The following CACNA1C variants were observed in gnomAD, a reference collection of about 807,000 sequenced individuals.
CACNA1C encodes voltage-dependent L-type calcium channel subunit alpha-1C.
A neutral mutation model predicts 229.0 loss-of-function variants in CACNA1C; 30 were observed. That is an observed-to-expected ratio of 0.13 (90% CI 0.10 to 0.18). The LOEUF (loss-of-function observed/expected upper bound fraction) is 0.18. Ranked by LOEUF, CACNA1C falls within the 10% of genes least tolerant of loss-of-function variation. The pLI is 1.00. For synonymous variants in CACNA1C, 1,114 were observed against 1,132.5 expected (o/e 0.98, Z 0.33); for missense variants, 1,658 against 2,845.0 (o/e 0.58, Z 9.49).
chr12:2,194,272 CCTCCTG>C (rs1190028888), intron 3 of CACNA1C, among the ~76,000 whole-genome samples: 2 of 147,752 alleles, frequency 1.4e-5, no homozygotes, highest in Non-Finnish European at 3.0e-5. Context: ...TCCTCCTCCT[CCTCCTG>C]CTCCTATCCC....
At chr12:2,465,903 C>T (rs191386641) in intron 5 of CACNA1C, among the ~76,000 whole-genome samples, 2 of 152,220 alleles carry the variant, frequency 1.3e-5, no homozygotes, top group East Asian at 1.9e-4. Context: ...CTGTCCTGAG[C>T]GCCCTGCCAG....
chr12:2,121,628 G>A (rs927697041), intron 3 of CACNA1C, among the ~76,000 whole-genome samples: 2 of 152,196 alleles, frequency 1.3e-5, no homozygotes, highest in South Asian at 2.1e-4. Flanking sequence ...GGCCAGAGTC[G>A]GAAGGCAGAG....
chr12:2,042,275 C>CCG (rs1480849586), intron 1 of CACNA1C, among the ~76,000 whole-genome samples: 3 of 151,866 alleles, frequency 2.0e-5, no homozygotes, highest in Admixed American at 6.6e-5. Context: ...GATCACGCTA[C>CCG]CATATTACTC....
intron 3 of CACNA1C, among the ~76,000 whole-genome samples, chr12:2,186,349 A>C (rs1283971619): frequency 6.6e-6 from 1 of 152,048 alleles, no homozygotes; most frequent in Non-Finnish European, 1.5e-5. Context: ...GACTAGGTCC[A>C]TTGTGGGTGA....
chr12:2,551,121 T>A (rs1321570240), intron 10 of CACNA1C, among the ~76,000 whole-genome samples: 1 of 152,180 alleles, frequency 6.6e-6, no homozygotes, highest in South Asian at 2.1e-4. Context: ...GAAAGGCCTA[T>A]AGGAAGGCTT....
At position 2,486,061 on chromosome 12, in the gene CACNA1C, A is replaced by G. The variant is rs977357161; in HGVS notation, c.758-43A>G. The G allele has an allele frequency of 3.4e-6, 5 of 1,479,444 alleles. No individual in the cohort carries two copies. In the Admixed American group the frequency reaches 9.2e-5, roughly 27 times the overall value. 91.6% of individuals were successfully genotyped at this position (1,479,444 alleles called of 1,614,324 possible). A position where few individuals can be genotyped will look rare whatever the true frequency, so the allele number is the denominator to read the frequency against. On this transcript the variant is annotated intron_variant, in intron 5 of 46. Coordinates refer to ENST00000399655, the MANE Select transcript of CACNA1C (RefSeq NM_000719.7). This position sits in a 1 kb window ranked among gnomAD's most constrained non-coding sequence, Gnocchi z 4.9. ...TTGCATGAGATGGCGTCAGCACGGT[A>G]CCGCGGTGATGCTTGGTTCAGTGAG...
In CACNA1C at chr12:2,447,469, G is replaced by A. The variant is rs964422454; in HGVS notation, c.478-1507G>A. On this transcript the variant is annotated intron_variant, in intron 3 of 46. Transcript: ENST00000399655. The stretch of plus-strand genomic sequence containing the variant: ...GGTACCTCAGAAACACCTGGAAATT[G>A]TCTACGATGCACATTTCCAAGCTTC... Among the ~76,000 whole-genome samples, 6 of 152,302 alleles carry A rather than the reference G, an allele frequency of 3.9e-5. No individual in the cohort carries two copies. In the South Asian group the frequency reaches 6.2e-4, roughly 16 times the overall value.
At chr12:2,623,572 G>A (rs992109549) in intron 29 of CACNA1C, among the ~76,000 whole-genome samples, 1 of 151,958 alleles carries the variant, frequency 6.6e-6, no homozygotes, top group Non-Finnish European at 1.5e-5. Context: ...CTCTTTTCTG[G>A]TACTTAATCA....
At chr12:2,599,043 C>T (rs1252615472) in intron 21 of CACNA1C, among the ~76,000 whole-genome samples, 2 of 152,188 alleles carry the variant, frequency 1.3e-5, no homozygotes, top group South Asian at 4.1e-4. Flanking sequence ...CCCCAGAGTT[C>T]TTTCCCAGGA....
intron 3 of CACNA1C, among the ~76,000 whole-genome samples, chr12:2,125,278 A>ATT (rs2089517856): frequency 1.9e-5 from 1 of 53,946 alleles, no homozygotes; most frequent in South Asian, 4.6e-4. Flanking sequence ...GATTGGCCTG[A>ATT]CTGAGAAGAG....
chr12:2,675,642 C>T (rs552049386), intron 39 of CACNA1C, among the ~76,000 whole-genome samples: 50 of 152,146 alleles, frequency 3.3e-4, no homozygotes, highest in Non-Finnish European at 5.6e-4. Flanking sequence ...ATTTACACAG[C>T]AGTTGTATTC....
At chr12:2,162,326 C>A (rs769562164) in intron 3 of CACNA1C, among the ~76,000 whole-genome samples, 1 of 151,884 alleles carries the variant, frequency 6.6e-6, no homozygotes, top group Admixed American at 6.6e-5. Flanking sequence ...GCTCTCCAGC[C>A]ATCAGTCCTG....
Position 2,688,428 on chromosome 12 carries a change from A to C in CACNA1C, c.5785-19A>C, listed in dbSNP as rs1603466626. 1 of 1,612,308 alleles carries C rather than the reference A, an allele frequency of 6.2e-7. No individual in the cohort carries two copies. The highest frequency in any genetic ancestry group is 2.2e-5 in the East Asian group (1 of 44,832). ...GGGTCGGCCACTCCTATTAACTCAC[A>C]CTCCTTGTGTGTCCGCAGGCATTGG... On this transcript the variant is annotated intron_variant, in intron 45 of 46. Transcript: ENST00000399655.
intron 3 of CACNA1C, among the ~76,000 whole-genome samples, chr12:2,224,771 T>C (rs536119670): frequency 6.6e-6 from 1 of 152,208 alleles, no homozygotes; most frequent in East Asian, 1.9e-4. Flanking sequence ...GTCCCAGAGG[T>C]GGGAGGCCTC....
chr12:2,209,551 C>G (rs2097857743), intron 3 of CACNA1C, among the ~76,000 whole-genome samples: 1 of 152,126 alleles, frequency 6.6e-6, no homozygotes, highest in South Asian at 2.1e-4. Context: ...ACACAGCGCC[C>G]TATTACCAGT....
At chr12:2,626,934 C>A (rs929480722) in intron 29 of CACNA1C, among the ~76,000 whole-genome samples, 1 of 152,128 alleles carries the variant, frequency 6.6e-6, no homozygotes, top group Non-Finnish European at 1.5e-5. Flanking sequence ...CGAAGGCCTT[C>A]AAAAATGTCC....
intron 3 of CACNA1C, among the ~76,000 whole-genome samples, chr12:2,394,082 G>C (rs560615073): frequency 2.7e-5 from 4 of 149,462 alleles, no homozygotes; most frequent in African/African-American, 9.8e-5. Context: ...TGCAGCCTGG[G>C]CAACAGAGCA....
At chr12:2,030,829 T>C (rs2048094965) in intron 1 of CACNA1C, among the ~76,000 whole-genome samples, 1 of 152,176 alleles carries the variant, frequency 6.6e-6, no homozygotes, top group East Asian at 1.9e-4. Context: ...GGGAACTTAG[T>C]TGAGGCAGAA....
intron 3 of CACNA1C, among the ~76,000 whole-genome samples, chr12:2,392,639 T>C (rs2098505004): frequency 6.6e-6 from 1 of 152,212 alleles, no homozygotes; most frequent in Admixed American, 6.5e-5. Context: ...ATTTGGTGTC[T>C]CCAAGATACC....
Sources: gnomAD v4.1 joint callset for allele counts (sites outside exome capture counted in the v4.1 genomes callset) on GRCh38, gnomAD v4.1.1 for gene constraint, Gnocchi (gnomAD v3.1) non-coding constraint, MANE v1.5 for transcripts, NCBI Gene and HGNC (gene_info 2026-07-23, HGNC 2026-07-21) for gene names.